Variants in EDIL3 observed in about 807,000 individuals in gnomAD.
EDIL3 encodes EGF-like repeat and discoidin I-like domain-containing protein 3.
In EDIL3, 37 loss-of-function variants were observed where a neutral mutation model predicts 67.4. The observed-to-expected ratio is 0.55, with a 90% CI of 0.42 to 0.72. EDIL3 has a LOEUF of 0.72. EDIL3 is among the 30% of genes least tolerant of loss of function. EDIL3 has a pLI of 0.00. For missense variants in EDIL3, 527 were observed against 586.3 expected (o/e 0.90, Z 1.04); for synonymous variants, 195 against 196.3 (o/e 0.99, Z 0.05).
intron 9 of EDIL3, among the ~76,000 whole-genome samples, chr5:84,023,720 C>A (rs1188744710): frequency 2.0e-5 from 3 of 152,042 alleles, no homozygotes; most frequent in Non-Finnish European, 4.4e-5. Flanking sequence ...CAAGAAACAA[C>A]TGGGTATCAA....
At chr5:84,153,313 T>C (rs1401726149) in intron 4 of EDIL3, among the ~76,000 whole-genome samples, 1 of 152,138 alleles carries the variant, frequency 6.6e-6, no homozygotes, top group Non-Finnish European at 1.5e-5. Flanking sequence ...TATTATTTTT[T>C]TGAGATGGAG....
chr5:84,235,871 A>G (rs750373984), intron 2 of EDIL3, among the ~76,000 whole-genome samples: 13 of 152,040 alleles, frequency 8.6e-5, no homozygotes, highest in South Asian at 8.3e-4. Context: ...TATAATTATT[A>G]TAAAGACAAT....
intron 6 of EDIL3, chr5:84,078,666 G>A (rs185807203): frequency 3.3e-5 from 5 of 152,268 alleles, no homozygotes; most frequent in African/African-American, 1.2e-4. Context: ...AAATAGGGAG[G>A]TGAAGTCTTA....
chr5:83,975,541 C>A lies in EDIL3; in HGVS notation c.1138-12181G>T, dbSNP rs571221552. Among the ~76,000 whole-genome samples the A allele has an allele frequency of 3.2e-4, 48 of 151,940 alleles. 1 individual carries two copies. The South Asian group carries it at 9.7e-3, about 31-fold the overall frequency. Reference sequence around the variant, plus strand: ...AATAAAGAATTTTATAAGACACCTCCATCTGTTGAACATTTTTTACATAAC... The same window carrying A: ...AATAAAGAATTTTATAAGACACCTCAATCTGTTGAACATTTTTTACATAAC... On this transcript the variant is annotated intron_variant, in intron 9 of 10. Transcript: ENST00000296591.
At chr5:84,271,120 C>A (rs1745464546) in intron 1 of EDIL3, among the ~76,000 whole-genome samples, 1 of 152,056 alleles carries the variant, frequency 6.6e-6, no homozygotes, top group African/African-American at 2.4e-5. Flanking sequence ...ACCTAATTGA[C>A]CCTATTTGAA....
intron 4 of EDIL3, among the ~76,000 whole-genome samples, chr5:84,170,103 T>A (rs536497595): frequency 6.6e-6 from 1 of 152,330 alleles, no homozygotes; most frequent in Admixed American, 6.5e-5. Flanking sequence ...CAGATCCTCA[T>A]GAAAATTTAT....
chr5:84,077,414 C>T (rs1235687302), intron 6 of EDIL3, among the ~76,000 whole-genome samples: 2 of 152,020 alleles, frequency 1.3e-5, no homozygotes, highest in South Asian at 2.1e-4. Context: ...TGAAGAAATA[C>T]CTGAGACTGA....
intron 1 of EDIL3, among the ~76,000 whole-genome samples, chr5:84,337,855 A>G (rs1480114002): frequency 6.6e-6 from 1 of 152,154 alleles, no homozygotes; most frequent in African/African-American, 2.4e-5. Flanking sequence ...ATGCAACACT[A>G]TGCAAAAGCT....
Position 84,106,845 on chromosome 5 carries a change from A to G in EDIL3, c.470-15T>C, listed in dbSNP as rs1253410629. On this transcript the variant is annotated splice_polypyrimidine_tract_variant and intron_variant, in intron 5 of 10. Transcript: ENST00000296591. The stretch of plus-strand genomic sequence containing the variant: ...GCCTGAGCATTCTGGAAACAAAAAC[A>G]GGAAAAAATATGAATGTATTAGAAA... 1.3e-6 allele frequency: 2 copies of G among 1,585,072 alleles called. No individual in the cohort carries two copies. The highest frequency in any genetic ancestry group is 1.7e-6 in the Non-Finnish European group (2 of 1,169,326).
intron 9 of EDIL3, among the ~76,000 whole-genome samples, chr5:84,015,787 TAAG>T (rs1745594962): frequency 6.6e-6 from 1 of 152,222 alleles, no homozygotes; most frequent in Non-Finnish European, 1.5e-5. Context: ...GAGAAGCCTT[TAAG>T]AAGTTAAATA....
intron 9 of EDIL3, among the ~76,000 whole-genome samples, chr5:84,050,463 G>T (rs1053169573): frequency 6.6e-6 from 1 of 152,118 alleles, no homozygotes; most frequent in Non-Finnish European, 1.5e-5. Context: ...TCAGACAGTG[G>T]GTACAGGACA....
chr5:84,099,199 C>G (rs1458219565), intron 6 of EDIL3, among the ~76,000 whole-genome samples: 1 of 152,220 alleles, frequency 6.6e-6, no homozygotes, highest in African/African-American at 2.4e-5. Flanking sequence ...AGATTCAATG[C>G]TATCCCCATC....
Position 83,976,552 on chromosome 5 carries a change from T to C in EDIL3, c.1138-13192A>G, listed in dbSNP as rs530560554. On this transcript the variant is annotated intron_variant, in intron 9 of 10. Transcript: ENST00000296591. ...TATTTGCAATGAAAATTTTAAATCA[T>C]GAATGACTCTATCAGATTCTATGAA... is the stretch of plus-strand genomic sequence containing the variant. 2.0e-4 allele frequency among the ~76,000 whole-genome samples: 31 copies of C among 151,972 alleles called. 2 individuals are homozygous for C. In the South Asian group the frequency reaches 6.2e-3, roughly 30 times the overall value.
chr5:84,062,983 A>G (rs17629371), intron 8 of EDIL3, among the ~76,000 whole-genome samples: 27,898 of 152,108 alleles, frequency 0.18, 2,859 homozygotes, highest in East Asian at 0.27. Context: ...TAAAGCATCC[A>G]TTGAGAGATA....
At position 84,209,356 on chromosome 5, in the gene EDIL3, C is replaced by A. The variant is rs900932643; in HGVS notation, c.226+20499G>T. Among the ~76,000 whole-genome samples the A allele has an allele frequency of 3.3e-5, 5 of 151,606 alleles. 1 individual carries two copies. The highest frequency in any genetic ancestry group is 3.3e-4 in the Admixed American group (5 of 15,240). On this transcript the variant is annotated intron_variant, in intron 3 of 10. Coordinates refer to ENST00000296591, the MANE Select transcript of EDIL3 (RefSeq NM_005711.5). ...TAACCTGTACATGGTGCACATGTACCCTAAAACTTAAAGTATAATAATAAA... is the reference window on the plus strand; with the variant it reads ...TAACCTGTACATGGTGCACATGTACACTAAAACTTAAAGTATAATAATAAA...
intron 5 of EDIL3, among the ~76,000 whole-genome samples, chr5:84,121,817 G>C (rs1178985684): frequency 6.6e-6 from 1 of 151,962 alleles, no homozygotes; most frequent in Non-Finnish European, 1.5e-5. Flanking sequence ...CTAAGCATAT[G>C]TGTATCATAG....
At chr5:84,170,494 T>C (rs1004627545) in intron 4 of EDIL3, among the ~76,000 whole-genome samples, 4 of 152,198 alleles carry the variant, frequency 2.6e-5, no homozygotes, top group African/African-American at 9.6e-5. Context: ...AGCAGTGGTA[T>C]TCTGAAAAAT....
chr5:84,176,197 TAATA>T (rs1298875245), intron 4 of EDIL3, among the ~76,000 whole-genome samples: 3 of 106,664 alleles, frequency 2.8e-5, no homozygotes, highest in South Asian at 2.6e-4. Flanking sequence ...TATATATATA[TAATA>T]TATATATATA....
rs1209979124 is a variant in EDIL3, at chr5:84,027,816, T to C, written c.1137+32484A>G. 3.3e-5 allele frequency among the ~76,000 whole-genome samples: 5 copies of C among 152,188 alleles called. No individual in the cohort carries two copies. The South Asian group carries it at 1.0e-3, about 32-fold the overall frequency. On this transcript the variant is annotated intron_variant, in intron 9 of 10. Coordinates refer to ENST00000296591, the MANE Select transcript of EDIL3 (RefSeq NM_005711.5). ...GAGTCTGAACTCAAAAAAGAAAATC[T>C]GAAGTGAAATAAAAAGGGTGGATCC...
Sources: allele counts gnomAD v4.1 joint callset (sites outside exome capture counted in the v4.1 genomes callset), GRCh38; gene constraint gnomAD v4.1.1; transcripts MANE v1.5; gene names NCBI Gene and HGNC (gene_info 2026-07-23, HGNC 2026-07-21).